Variants in PIK3C3 observed in about 807,000 individuals in gnomAD.
The protein encoded by PIK3C3 is phosphatidylinositol 3-kinase catalytic subunit type 3.
Under a neutral mutation model 126.1 loss-of-function variants are expected in PIK3C3, and 95 were observed. The ratio of observed to expected loss-of-function variants is 0.75; its 90% CI spans 0.64 to 0.89. The LOEUF (loss-of-function observed/expected upper bound fraction) is 0.89, where lower values mean the gene tolerates loss of function less well. Among genes scored for constraint, PIK3C3 ranks in the 40% least tolerant of loss-of-function variants. PIK3C3 has a pLI of 0.00. For missense variants in PIK3C3, 829 were observed against 1,063.2 expected, an observed-to-expected ratio of 0.78 and a Z score of 3.06; for synonymous variants, 374 against 360.0, an observed-to-expected ratio of 1.04 and a Z score of -0.44.
chr18:41,985,400 A>G (rs1981418767), intron 4 of PIK3C3, among the ~76,000 whole-genome samples: 1 of 152,170 alleles, frequency 6.6e-6, no homozygotes, highest in Non-Finnish European at 1.5e-5. Flanking sequence ...AATACACAGA[A>G]TTTTTGCTGT....
At chr18:42,014,886 G>T (rs1474939651) in intron 11 of PIK3C3, among the ~76,000 whole-genome samples, 1 of 152,048 alleles carries the variant, frequency 6.6e-6, no homozygotes, top group African/African-American at 2.4e-5. Context: ...TATTTTTAAG[G>T]GAAGATGCTC....
chr18:42,070,756 C>G (rs767910510), intron 24 of PIK3C3, among the ~76,000 whole-genome samples: 12 of 152,148 alleles, frequency 7.9e-5, no homozygotes, highest in Non-Finnish European at 1.2e-4. Flanking sequence ...AAATCTGCCT[C>G]TCCCCTCTCC....
intron 13 of PIK3C3, among the ~76,000 whole-genome samples, chr18:42,025,100 C>CTG (rs1425992717): frequency 1.3e-5 from 2 of 152,148 alleles, no homozygotes; most frequent in African/African-American, 4.8e-5. Flanking sequence ...GCATGAGCCA[C>CTG]CACGCCCGGC....
intron 7 of PIK3C3, among the ~76,000 whole-genome samples, chr18:41,995,458 T>G (rs1981980832): frequency 6.6e-6 from 1 of 152,320 alleles, no homozygotes; most frequent in East Asian, 1.9e-4. Context: ...GTGATTATTG[T>G]CCTTGCCCTC....
chr18:42,064,822 G>GT lies in PIK3C3; in HGVS notation c.2516dup (p.Lys840GlufsTer6). The stretch of plus-strand genomic sequence containing the variant: ...TATTGCACTTGAACCAGATAAAACT[G>GT]TGAAAAAGGTAATTTTTAAGTAACA... On this transcript the variant is annotated frameshift_variant, in exon 23 of 25. Transcript: ENST00000262039. LOFTEE classifies it high-confidence loss of function. The GT allele has an allele frequency of 6.4e-7, 1 of 1,556,122 alleles. No homozygotes were observed. The highest frequency in any genetic ancestry group is 1.1e-5 in the South Asian group (1 of 89,440).
chr18:41,966,177 CTTTTTTTTTTTTTT>C (rs10539758), intron 3 of PIK3C3, among the ~76,000 whole-genome samples: 1 of 112,574 alleles, frequency 8.9e-6, no homozygotes, highest in East Asian at 2.7e-4. Context: ...TATATTGTTC[CTTTTTTTTTTTTTT>C]TTTTTTTTTG....
At position 41,990,538 on chromosome 18, in the gene PIK3C3, T is replaced by G; in HGVS notation, c.698T>G (p.Ile233Ser). ...AAGTGTGATGATAAGGAATATGGTA[T>G]TGTTTATTATGAAAAGGTATTTCCC... is the stretch of plus-strand genomic sequence containing the variant. ...CVKCDDKEYG[I>S]VYYEKDGDES... The change falls in exon 6 of 25, where the codon ATT (isoleucine) becomes AGT (serine). Residue 233 changes from isoleucine (I) to serine (S), a missense_variant. By Grantham distance (142) the Ile-to-Ser change is moderately radical. Around this residue, in one of 4 missense-constraint regions of PIK3C3, gnomAD observed 313 missense variants for 340.7 expected, o/e 0.92. Transcript: ENST00000262039. 1.3e-6 allele frequency: 2 copies of G among 1,569,432 alleles called. No individual in the cohort carries two copies. The highest frequency in any genetic ancestry group is 1.8e-6 in the Non-Finnish European group (2 of 1,140,134).
At position 41,995,919 on chromosome 18, in the gene PIK3C3, G is replaced by A. The variant is rs1260424595; in HGVS notation, c.816G>A (p.Lys272=). The change falls in exon 8 of 25, where the codon AAG becomes AAA. Residue 272 remains lysine, a synonymous_variant. Transcript: ENST00000262039. The stretch of plus-strand genomic sequence containing the variant: ...ATTTAGTTGAGAGCAAACACCACAA[G>A]CTTGCCCGGAGTTTAAGAAGTGGAC... ...MENLVESKHH[K]LARSLRSGPS... 9.3e-6 allele frequency: 15 copies of A among 1,612,758 alleles called. No homozygotes were observed. Among genetic ancestry groups the A allele is most frequent in the Non-Finnish European group, 1.3e-5 (15 of 1,179,114 alleles).
chr18:42,056,088 T>A (rs185636409), intron 21 of PIK3C3, among the ~76,000 whole-genome samples: 92 of 152,248 alleles, frequency 6.0e-4, no homozygotes, highest in African/African-American at 1.7e-3. Flanking sequence ...ACATTTTTTT[T>A]AAATTTCATT....
At chr18:41,981,805 CA>C (rs56360707) in intron 4 of PIK3C3, among the ~76,000 whole-genome samples, 1,435 of 109,608 alleles carry the variant, frequency 0.013, 17 homozygotes, top group African/African-American at 0.044. Context: ...ACTAAAAATA[CA>C]AAAAAAAAAA....
chr18:42,040,543 T>C (rs1182326966), intron 18 of PIK3C3, 134 bp from the exon 19 acceptor site: 1 of 617,874 alleles, frequency 1.6e-6, no homozygotes, highest in South Asian at 2.4e-5. Context: ...CTTAATGTAG[T>C]GTACACTGAT....
intron 22 of PIK3C3, among the ~76,000 whole-genome samples, chr18:42,060,616 A>G (rs1318052535): frequency 1.3e-5 from 2 of 151,816 alleles, no homozygotes; most frequent in Non-Finnish European, 2.9e-5. Context: ...ACTAAAAAAG[A>G]AAATACAAAA....
At chr18:42,060,811 A>C (rs1269201561) in intron 22 of PIK3C3, among the ~76,000 whole-genome samples, 2 of 152,150 alleles carry the variant, frequency 1.3e-5, no homozygotes, top group Non-Finnish European at 2.9e-5. Flanking sequence ...AATGTGTTTA[A>C]CTATCAAGTA....
At chr18:42,045,086 C>A (rs556410200) in intron 20 of PIK3C3, among the ~76,000 whole-genome samples, 3 of 151,938 alleles carry the variant, frequency 2.0e-5, no homozygotes, top group Non-Finnish European at 2.9e-5. Flanking sequence ...GTCTGAAAAG[C>A]AGAAAGAAAA....
At position 41,962,535 on chromosome 18, in the gene PIK3C3, A is replaced by G. The variant is rs760799937; in HGVS notation, c.304A>G (p.Arg102Gly). 9.9e-6 allele frequency: 16 copies of G among 1,613,694 alleles called. No individual in the cohort carries two copies. The highest frequency in any genetic ancestry group is 8.3e-5 in the Admixed American group (5 of 59,990). Residue 102 changes from arginine (R) to glycine (G), a missense_variant, in exon 3 of 25, where the codon AGG becomes GGG. Coordinates refer to ENST00000262039, the MANE Select transcript of PIK3C3 (RefSeq NM_002647.4). The stretch of plus-strand genomic sequence containing the variant: ...ACCAGTAAAATACCCTGACCTGCCC[A>G]GGAATGCCCAAGTGGCCCTCACCAT... Reference protein sequence around the residue: ...KLPVKYPDLPRNAQVALTIWD... With the variant: ...KLPVKYPDLPGNAQVALTIWD...
chr18:42,022,307 A>G (rs563026373), intron 13 of PIK3C3, among the ~76,000 whole-genome samples: 13 of 152,028 alleles, frequency 8.6e-5, no homozygotes, highest in Non-Finnish European at 1.8e-4. Context: ...ACCCCATGAC[A>G]TCAGTGTGTG....
At chr18:42,028,225 AT>A (rs1241722053) in intron 14 of PIK3C3, among the ~76,000 whole-genome samples, 1 of 150,776 alleles carries the variant, frequency 6.6e-6, no homozygotes, top group African/African-American at 2.5e-5. Flanking sequence ...TGTGCATGGA[AT>A]TAAAAAAAAG....
In PIK3C3 at chr18:42,027,434, A is replaced by G. The variant is rs373666388; in HGVS notation, c.1485-9A>G. ...TCACATCACATGAATGGCTCAAACTATTTTTAAGGTATGTGATAGTGGAAT... is the reference window on the plus strand; with the variant it reads ...TCACATCACATGAATGGCTCAAACTGTTTTTAAGGTATGTGATAGTGGAAT... On this transcript the variant is annotated splice_polypyrimidine_tract_variant and intron_variant, in intron 13 of 24. Transcript: ENST00000262039. 7.2e-6 allele frequency: 11 copies of G among 1,533,566 alleles called. No homozygotes were observed. Among genetic ancestry groups the G allele is most frequent in the Admixed American group, 1.7e-5 (1 of 57,624 alleles). The allele number at this position is 1,533,566 out of a possible 1,614,324, so 95.0% of individuals were successfully genotyped here. A position where few individuals can be genotyped will look rare whatever the true frequency, so the allele number is the denominator to read the frequency against.
intron 5 of PIK3C3, among the ~76,000 whole-genome samples, chr18:41,988,861 C>T (rs576070899): frequency 1.3e-5 from 2 of 152,166 alleles, no homozygotes; most frequent in South Asian, 4.1e-4. Flanking sequence ...AAAGAGTTTA[C>T]TCATAATACT....
Sources: allele counts gnomAD v4.1 joint callset (sites outside exome capture counted in the v4.1 genomes callset), GRCh38; gene constraint gnomAD v4.1.1; regional missense constraint gnomAD v4.1.1; transcripts MANE v1.5; gene names NCBI Gene and HGNC (gene_info 2026-07-23, HGNC 2026-07-21).